Variants in HECW2 observed in about 807,000 individuals in gnomAD.
HECW2 encodes the protein E3 ubiquitin-protein ligase HECW2.
Under a neutral mutation model 175.2 loss-of-function variants are expected in HECW2, and 61 were observed. The observed-to-expected ratio is 0.35, with a 90% CI of 0.28 to 0.43. The LOEUF is 0.43. Ranked by LOEUF, HECW2 falls within the 20% of genes least tolerant of loss-of-function variation. HECW2 has a pLI of 1.00. For synonymous variants in HECW2, 671 were observed against 731.0 expected, an observed-to-expected ratio of 0.92 and a Z score of 1.32; for missense variants, 1,524 against 2,000.5, an observed-to-expected ratio of 0.76 and a Z score of 4.54.
rs1053173964 is a variant in HECW2, at chr2:196,445,634, T to C, written c.-35-12176A>G. ...AAAGAAATAGAAAGCAACTGCCTTC[T>C]GTACTGTAATGTATAAGTGCAAAAG... is the stretch of plus-strand genomic sequence containing the variant. On this transcript the variant is annotated intron_variant, in intron 1 of 28. Coordinates refer to ENST00000644978, the MANE Select transcript of HECW2 (RefSeq NM_001348768.2). Among the ~76,000 whole-genome samples, 4 of 152,242 alleles carry C rather than the reference T, an allele frequency of 2.6e-5. 1 individual carries two copies. The highest frequency in any genetic ancestry group is 2.6e-4 in the Admixed American group (4 of 15,282).
rs1472934524 is a variant in HECW2, at chr2:196,433,148, A to G, written c.276T>C (p.Ile92=). The change falls in exon 2 of 29, where the codon ATT becomes ATC. Residue 92 remains isoleucine (I), a synonymous_variant. Transcript: ENST00000644978. ...IKEEVDPSDW[I]GLYHIDENSP... is the part of the protein sequence containing the mutation. ...TTGACTCACCTATATGATAAAGTCC[A>G]ATCCAATCACTGGGGTCCACCTCCT... 4.6e-5 allele frequency: 74 copies of G among 1,612,664 alleles called. No homozygotes were observed. The highest frequency in any genetic ancestry group is 5.8e-5 in the Non-Finnish European group (68 of 1,179,026).
chr2:196,511,069 G>T (rs1443643540), intron 1 of HECW2, among the ~76,000 whole-genome samples: 1 of 152,136 alleles, frequency 6.6e-6, no homozygotes, highest in Non-Finnish European at 1.5e-5. Flanking sequence ...AAGTTCAGGT[G>T]ATCCATGCAC....
chr2:196,348,647 CA>C (rs886976380), intron 2 of HECW2, among the ~76,000 whole-genome samples: 1 of 151,002 alleles, frequency 6.6e-6, no homozygotes. Context: ...GACCCTAACT[CA>C]AAAAAAAGAA....
chr2:196,524,166 T>G (rs1347418516), intron 1 of HECW2, among the ~76,000 whole-genome samples: 3 of 138,666 alleles, frequency 2.2e-5, no homozygotes, highest in Non-Finnish European at 4.6e-5. Flanking sequence ...CTGTTATTGG[T>G]CTATTCAGAG....
At chr2:196,329,465 A>G in intron 5 of HECW2, 110 bp downstream of exon 5, 4 of 742,880 alleles carry the variant, frequency 5.4e-6, no homozygotes, top group Non-Finnish European at 9.3e-6. Flanking sequence ...CCCCAAAACT[A>G]GTTCACATAT....
intron 15 of HECW2, among the ~76,000 whole-genome samples, chr2:196,276,531 G>A (rs1381035689): frequency 6.6e-6 from 1 of 152,208 alleles, no homozygotes; most frequent in Non-Finnish European, 1.5e-5. Flanking sequence ...ATGATAAGGT[G>A]AGTGGTTAAA....
chr2:196,564,954 ATT>A (rs11441092), intron 1 of HECW2, among the ~76,000 whole-genome samples: 2 of 145,182 alleles, frequency 1.4e-5, no homozygotes. Context: ...CTATGCTTTG[ATT>A]TTTTTTTTTT....
chr2:196,346,182 A>C (rs1485899199), intron 2 of HECW2, among the ~76,000 whole-genome samples: 5 of 152,236 alleles, frequency 3.3e-5, no homozygotes, highest in Non-Finnish European at 7.3e-5. Flanking sequence ...ATGTGACCTC[A>C]CTGTAAAAGT....
chr2:196,331,578 T>C (rs146082409), intron 4 of HECW2, among the ~76,000 whole-genome samples: 2 of 152,364 alleles, frequency 1.3e-5, no homozygotes, highest in African/African-American at 4.8e-5. Flanking sequence ...ATTCATAACC[T>C]GTCTTCATTT....
At chr2:196,244,337 C>T (rs924956960) in intron 19 of HECW2, among the ~76,000 whole-genome samples, 41 of 152,166 alleles carry the variant, frequency 2.7e-4, no homozygotes, top group African/African-American at 9.7e-4. Flanking sequence ...CAGTTGCTTG[C>T]CCCATAATCT....
At chr2:196,525,463 T>C (rs1425941789) in intron 1 of HECW2, among the ~76,000 whole-genome samples, 1 of 150,028 alleles carries the variant, frequency 6.7e-6, no homozygotes, top group African/African-American at 2.5e-5. Flanking sequence ...AATTGGATAA[T>C]TTAGTCCATT....
At chr2:196,231,585 G>A (rs1688058868) in intron 21 of HECW2, among the ~76,000 whole-genome samples, 1 of 152,192 alleles carries the variant, frequency 6.6e-6, no homozygotes, top group South Asian at 2.1e-4. Flanking sequence ...GTGCCATAGA[G>A]GTTTGACTGG....
intron 20 of HECW2, 42 bp downstream of exon 20, chr2:196,242,042 T>C: frequency 6.3e-7 from 1 of 1,592,412 alleles, no homozygotes; most frequent in Non-Finnish European, 8.6e-7. Flanking sequence ...CCCTCTCCTT[T>C]CACCATCTAT....
chr2:196,272,622 T>C (rs1054365555), intron 16 of HECW2, among the ~76,000 whole-genome samples: 3 of 152,164 alleles, frequency 2.0e-5, no homozygotes, highest in African/African-American at 4.8e-5. Context: ...TGCATCATAT[T>C]GCCTATAACA....
chr2:196,504,935 A>G (rs1006174328), intron 1 of HECW2, among the ~76,000 whole-genome samples: 80 of 152,170 alleles, frequency 5.3e-4, no homozygotes, highest in African/African-American at 1.9e-3. Flanking sequence ...TCAAGACCAC[A>G]ATGCTAAAAA....
chr2:196,380,235 T>C (rs986657472), intron 2 of HECW2, among the ~76,000 whole-genome samples: 6 of 152,226 alleles, frequency 3.9e-5, no homozygotes, highest in Non-Finnish European at 7.3e-5. Context: ...TGATGGGCTG[T>C]GTGTGTTTGA....
At chr2:196,310,004 T>C (rs1309909371) in intron 10 of HECW2, among the ~76,000 whole-genome samples, 2 of 152,228 alleles carry the variant, frequency 1.3e-5, no homozygotes, top group Non-Finnish European at 2.9e-5. Context: ...GAAATATGAC[T>C]ATGGCTTGCT....
chr2:196,338,143 G>C (rs1692620293), intron 3 of HECW2, among the ~76,000 whole-genome samples: 1 of 152,172 alleles, frequency 6.6e-6, no homozygotes, highest in Admixed American at 6.5e-5. Context: ...GCATATTCCA[G>C]GGCAAGTTGG....
intron 2 of HECW2, among the ~76,000 whole-genome samples, chr2:196,357,759 T>C (rs1693429153): frequency 6.6e-6 from 1 of 152,154 alleles, no homozygotes; most frequent in African/African-American, 2.4e-5. Context: ...TGAGATCTGA[T>C]GGTTTTGTAA....
Sources: allele counts gnomAD v4.1 joint callset (sites outside exome capture counted in the v4.1 genomes callset), GRCh38; gene constraint gnomAD v4.1.1; transcripts MANE v1.5; gene names NCBI Gene and HGNC (gene_info 2026-07-23, HGNC 2026-07-21).